PTGER3: variants seen among roughly 807,000 people sequenced by gnomAD.
PTGER3 encodes prostaglandin E receptor 3.
Under a neutral mutation model 34.7 loss-of-function variants are expected in PTGER3, and 22 were observed. The observed-to-expected ratio is 0.63, with a 90% CI of 0.45 to 0.91. The LOEUF (loss-of-function observed/expected upper bound fraction) is 0.91. Among genes scored for constraint, PTGER3 ranks in the 40% least tolerant of loss-of-function variants. The pLI is 0.00. For missense variants in PTGER3, 468 were observed against 519.4 expected, an observed-to-expected ratio of 0.90 and a Z score of 0.96; for synonymous variants, 241 against 230.1, an observed-to-expected ratio of 1.05 and a Z score of -0.43.
chr1:70,993,004 C>T (rs946212764), intron 2 of PTGER3, among the ~76,000 whole-genome samples: 12 of 152,116 alleles, frequency 7.9e-5, no homozygotes, highest in African/African-American at 2.9e-4. Context: ...ATTCAATTAA[C>T]CTTGTTTTTC....
intron 1 of PTGER3, among the ~76,000 whole-genome samples, chr1:71,013,009 T>C (rs1479546006): frequency 1.3e-5 from 2 of 152,158 alleles, no homozygotes; most frequent in Admixed American, 6.6e-5. Context: ...GTTCTTCATA[T>C]GCATTTAATA....
At chr1:71,002,279 AT>A (rs1656567194) in intron 2 of PTGER3, 1 of 152,024 alleles carries the variant, frequency 6.6e-6, no homozygotes, top group Non-Finnish European at 1.5e-5. Context: ...AAAAGTCTGT[AT>A]TTTCATTATC....
chr1:70,937,459 A>G (rs1019795655), intron 4 of PTGER3, among the ~76,000 whole-genome samples: 6 of 152,184 alleles, frequency 3.9e-5, no homozygotes, highest in Non-Finnish European at 8.8e-5. Flanking sequence ...GGGAATCATC[A>G]GCATATGGAC....
At chr1:70,989,327 G>T (rs1655219747) in intron 2 of PTGER3, among the ~76,000 whole-genome samples, 1 of 152,150 alleles carries the variant, frequency 6.6e-6, no homozygotes, top group African/African-American at 2.4e-5. Flanking sequence ...GTATGTCAAA[G>T]TGTTATTGTT....
rs992359795 is a variant in PTGER3 at position 70,985,000 on chromosome 1, C to T, written c.1078-10612G>A. On this transcript the variant is annotated intron_variant, in intron 2 of 3. Transcript: ENST00000306666. The stretch of plus-strand genomic sequence containing the variant: ...CACTCTCATGGAAACCCTTCCATCA[C>T]GACAGCCCTAGGGAAATGGGAGAGC... Among the ~76,000 whole-genome samples the T allele has an allele frequency of 1.2e-4, 19 of 152,198 alleles. No individual in the cohort carries two copies. In the East Asian group the frequency reaches 1.5e-3, roughly 12 times the overall value.
intron 4 of PTGER3, among the ~76,000 whole-genome samples, chr1:70,911,686 T>C (rs1647064769): frequency 6.6e-6 from 1 of 152,102 alleles, no homozygotes; most frequent in African/African-American, 2.4e-5. Flanking sequence ...ATGAAGGTTT[T>C]TAGCCAATTC....
Position 70,871,539 on chromosome 1 carries a change from C to A in PTGER3, c.*24-18680G>T, listed in dbSNP as rs540118422. On this transcript the variant is annotated intron_variant, in intron 4 of 4. Transcript: ENST00000370931. ...GGTATTCCTGGTATTGAGTTCATAA[C>A]AAATGCTCAAGAAATGCTTGTTGAA... Among the ~76,000 whole-genome samples, 49 of 152,242 alleles carry A rather than the reference C, an allele frequency of 3.2e-4. No homozygotes were observed. The South Asian group carries it at 1.0e-2, about 31-fold the overall frequency.
chr1:70,900,340 CA>C (rs146185305), intron 4 of PTGER3, among the ~76,000 whole-genome samples: 2,075 of 152,142 alleles, frequency 0.014, 22 homozygotes, highest in Non-Finnish European at 0.019. Context: ...ACTATGTATA[CA>C]ATAGGGCTGG....
intron 4 of PTGER3, among the ~76,000 whole-genome samples, chr1:70,875,836 C>A (rs1646261084): frequency 6.6e-6 from 1 of 151,878 alleles, no homozygotes. Context: ...TGTTGTATAT[C>A]CATCCATGGG....
chr1:70,856,936 T>G (rs1645819414), intron 4 of PTGER3, among the ~76,000 whole-genome samples: 1 of 152,236 alleles, frequency 6.6e-6, no homozygotes, highest in Admixed American at 6.5e-5. Context: ...TTTGTTGGTG[T>G]TAATATTTTA....
At chr1:70,869,334 A>G in intron 4 of PTGER3, 1 of 468,032 alleles carries the variant, frequency 2.1e-6, no homozygotes, top group Non-Finnish European at 4.4e-6. Context: ...ATTGGGGAAT[A>G]CAATTCAACA....
intron 1 of PTGER3, among the ~76,000 whole-genome samples, chr1:71,015,956 A>G (rs1657853626): frequency 6.6e-6 from 1 of 152,176 alleles, no homozygotes; most frequent in Admixed American, 6.6e-5. Context: ...TTTTTGAGAC[A>G]GTGTCTCACT....
chr1:70,864,337 G>A (rs1645994855), intron 4 of PTGER3, among the ~76,000 whole-genome samples: 2 of 152,176 alleles, frequency 1.3e-5, no homozygotes, highest in African/African-American at 4.8e-5. Context: ...TCCATAAGCA[G>A]AAGGAATCTG....
chr1:70,878,511 G>T (rs1207975288), intron 4 of PTGER3, among the ~76,000 whole-genome samples: 1 of 151,894 alleles, frequency 6.6e-6, no homozygotes, highest in African/African-American at 2.4e-5. Flanking sequence ...TCCTTTGCTG[G>T]CTTTGGGGTT....
At chr1:71,001,604 G>T (rs1656495144) in intron 2 of PTGER3, among the ~76,000 whole-genome samples, 1 of 152,224 alleles carries the variant, frequency 6.6e-6, no homozygotes, top group African/African-American at 2.4e-5. Flanking sequence ...GGACTCAGAA[G>T]AGAAAAGCTT....
chr1:70,973,388 T>C (rs868704008), intron 3 of PTGER3, among the ~76,000 whole-genome samples: 1 of 152,136 alleles, frequency 6.6e-6, no homozygotes, highest in South Asian at 2.1e-4. Flanking sequence ...AGCTTGTTCT[T>C]ATCCTGTAAG....
At chr1:70,904,094 T>TA (rs34717712) in intron 4 of PTGER3, among the ~76,000 whole-genome samples, 75,117 of 151,906 alleles carry the variant, frequency 0.49, 19,224 homozygotes, top group South Asian at 0.7. Context: ...CTGATGGTTT[T>TA]AAAACTGGAG....
chr1:70,983,056 A>T (rs1197660889), intron 2 of PTGER3, among the ~76,000 whole-genome samples: 1 of 152,116 alleles, frequency 6.6e-6, no homozygotes, highest in Non-Finnish European at 1.5e-5. Context: ...GAATAAAAAA[A>T]GGAGGCTCCC....
At chr1:70,900,942 C>G (rs1646825117) in intron 4 of PTGER3, among the ~76,000 whole-genome samples, 1 of 152,064 alleles carries the variant, frequency 6.6e-6, no homozygotes, top group African/African-American at 2.4e-5. Context: ...TAGGAGGAAA[C>G]AGATAGGAGT....
Sources: allele counts gnomAD v4.1 joint callset (sites outside exome capture counted in the v4.1 genomes callset), GRCh38; gene constraint gnomAD v4.1.1; transcripts MANE v1.5; gene names NCBI Gene and HGNC (gene_info 2026-07-23, HGNC 2026-07-21).